The following AKR1C3 variants were observed in gnomAD, a reference collection of about 807,000 sequenced individuals.
AKR1C3 encodes aldo-keto reductase family 1 member C3.
AKR1C3 carries 48 observed loss-of-function variants against 43.6 expected under a neutral mutation model. The observed-to-expected ratio is 1.10, with a 90% CI of 0.87 to 1.40. The LOEUF is 1.40. AKR1C3 is among the 40% of genes most tolerant of loss of function. AKR1C3 has a pLI of 0.00. For missense variants in AKR1C3, 482 were observed against 391.2 expected (o/e 1.23, Z -1.96); for synonymous variants, 162 against 139.6 (o/e 1.16, Z -1.13).
In AKR1C3 at chr10:5,064,011, T is replaced by A. The variant is rs546426017; in HGVS notation, c.84+15116T>A. On this transcript the variant is annotated intron_variant, in intron 1 of 8. Transcript: ENST00000439082. ...TTCAGGAATGTTTACAGCATCTTCA[T>A]CAGAAGTGGAATCTATTTCACCAAA... 3.9e-5 allele frequency among the ~76,000 whole-genome samples: 6 copies of A among 152,250 alleles called. No individual in the cohort carries two copies. The East Asian group carries it at 1.2e-3, about 29-fold the overall frequency.
chr10:5,098,916 CAAAAAG>C, intron 4 of AKR1C3, 37 bp downstream of exon 4: 1 of 1,514,588 alleles, frequency 6.6e-7, no homozygotes, highest in Non-Finnish European at 9.0e-7. Flanking sequence ...AGAAGGATGA[CAAAAAG>C]AGAAAATCTG....
Position 5,102,684 on chromosome 10 carries a change from GCA to G in AKR1C3, c.846+37_846+38del, listed in dbSNP as rs781838119. 70 of 1,448,868 alleles carry G rather than the reference GCA, an allele frequency of 4.8e-5. No homozygotes were observed. In the East Asian group the frequency reaches 8.0e-4, roughly 17 times the overall value. The allele number at this position is 1,448,868 out of a possible 1,614,324, so 89.8% of individuals were successfully genotyped here. ...CGGGGCTGTGGGCCTCAGGTCTCCT[GCA>G]CAGTGTCCTTCACACGTGTGCTTCT... On this transcript the variant is annotated intron_variant, in intron 7 of 8. Coordinates refer to ENST00000380554, the MANE Select transcript of AKR1C3 (RefSeq NM_003739.6).
intron 1 of AKR1C3, among the ~76,000 whole-genome samples, chr10:5,087,222 T>G (rs1838987098): frequency 6.6e-6 from 1 of 152,142 alleles, no homozygotes; most frequent in Non-Finnish European, 1.5e-5. Flanking sequence ...TTCCTTTCCA[T>G]GTTTAGTGCT....
At chr10:5,086,149 C>G (rs1412747237) in intron 1 of AKR1C3, among the ~76,000 whole-genome samples, 1 of 151,638 alleles carries the variant, frequency 6.6e-6, no homozygotes, top group African/African-American at 2.4e-5. Context: ...GCTTTTCTAG[C>G]TCTTTTAATT....
Position 5,063,764 on chromosome 10 carries a change from GCAAAA to G in AKR1C3, c.84+14870_84+14874del, listed in dbSNP as rs1168044836. On this transcript the variant is annotated intron_variant, in intron 1 of 8. Transcript: ENST00000439082. ...GAGGACAGAGGTAGTCTCTGTCTCA[GCAAAA>G]AAAAAAAAAAAAAAAAAAAAGGAAA... Among the ~76,000 whole-genome samples the G allele has an allele frequency of 1.2e-3, 41 of 33,436 alleles. 2 individuals carry two copies. The highest frequency in any genetic ancestry group is 0.011 in the East Asian group (16 of 1,410). The allele number at this position is 33,436 out of a possible 152,430, so 21.9% of individuals were successfully genotyped here. A position where few individuals can be genotyped will look rare whatever the true frequency, so the allele number is the denominator to read the frequency against.
At chr10:5,085,913 G>A (rs1292107592) in intron 1 of AKR1C3, among the ~76,000 whole-genome samples, 1 of 151,822 alleles carries the variant, frequency 6.6e-6, no homozygotes, top group Admixed American at 6.5e-5. Flanking sequence ...TGAGGGATCG[G>A]TGGTGATATC....
chr10:5,063,764 G>GAAAAAAAAAAAAAAAAAAAA (rs1406943359), intron 1 of AKR1C3, among the ~76,000 whole-genome samples: 3 of 33,448 alleles, frequency 9.0e-5, no homozygotes, highest in Non-Finnish European at 1.6e-4. Flanking sequence ...CTCTGTCTCA[G>GAAAAAAAAAAAAAAAAAAAA]CAAAAAAAAA....
chr10:5,079,806 T>A (rs1838794436), intron 1 of AKR1C3, among the ~76,000 whole-genome samples: 1 of 152,156 alleles, frequency 6.6e-6, no homozygotes, highest in Non-Finnish European at 1.5e-5. Flanking sequence ...TGGAGTCTCA[T>A]ATTTGCTGCT....
At chr10:5,081,318 T>C (rs1167692306) in intron 1 of AKR1C3, among the ~76,000 whole-genome samples, 1 of 152,194 alleles carries the variant, frequency 6.6e-6, no homozygotes, top group East Asian at 1.9e-4. Flanking sequence ...TTCAGTTTTA[T>C]TGATTTTATA....
At chr10:5,091,771 C>A (rs1554784225), upstream of AKR1C3, among the ~76,000 whole-genome samples, 1 of 152,092 alleles carries the variant, frequency 6.6e-6, no homozygotes, top group Non-Finnish European at 1.5e-5. Flanking sequence ...TACATGTTAA[C>A]ATAGATTTAT....
intron 1 of AKR1C3, among the ~76,000 whole-genome samples, chr10:5,075,984 C>T (rs556943695): frequency 6.6e-6 from 1 of 152,238 alleles, no homozygotes; most frequent in South Asian, 2.1e-4. Flanking sequence ...ATATCCTGAG[C>T]TGCACTGGTT....
chr10:5,102,264 TAGTC>T, intron 6 of AKR1C3, 54 bp downstream of exon 6: 21 of 1,583,362 alleles, frequency 1.3e-5, no homozygotes, highest in Non-Finnish European at 1.8e-5. Context: ...GAAAATTTTT[TAGTC>T]AGAGCATCCT....
intron 1 of AKR1C3, among the ~76,000 whole-genome samples, chr10:5,060,569 G>A (rs546233682): frequency 1.3e-5 from 2 of 152,310 alleles, no homozygotes; most frequent in Middle Eastern, 3.4e-3. Flanking sequence ...CAATCCCTTA[G>A]CTAGACATAA....
intron 1 of AKR1C3, among the ~76,000 whole-genome samples, chr10:5,055,991 C>A (rs1330034285): frequency 6.6e-6 from 1 of 152,192 alleles, no homozygotes; most frequent in East Asian, 1.9e-4. Flanking sequence ...AAGATTAGGC[C>A]TAGATATTTG....
chr10:5,063,765 CAAAAAA>C (rs71391987), intron 1 of AKR1C3, among the ~76,000 whole-genome samples: 11 of 46,434 alleles, frequency 2.4e-4, no homozygotes, highest in East Asian at 1.2e-3. Context: ...TCTGTCTCAG[CAAAAAA>C]AAAAAAAAAA....
chr10:5,071,991 C>A (rs34477787), intron 1 of AKR1C3, among the ~76,000 whole-genome samples: 23,307 of 152,232 alleles, frequency 0.15, 2,207 homozygotes, highest in Admixed American at 0.25. Flanking sequence ...ACTGATAAAA[C>A]CTGTCCTCAC....
chr10:5,091,498 T>A (rs1300495851), upstream of AKR1C3, among the ~76,000 whole-genome samples: 1 of 152,152 alleles, frequency 6.6e-6, no homozygotes, highest in Non-Finnish European at 1.5e-5. Context: ...TTTTTGTCCT[T>A]CATATCCTCA....
intron 1 of AKR1C3, among the ~76,000 whole-genome samples, chr10:5,085,090 C>A (rs1315568630): frequency 6.6e-6 from 1 of 151,966 alleles, no homozygotes; most frequent in Non-Finnish European, 1.5e-5. Context: ...GCCTGATTGC[C>A]CTGGCCAGAA....
chr10:5,105,200 T>C (rs1471787963), intron 7 of AKR1C3: 1 of 157,430 alleles, frequency 6.4e-6, no homozygotes, highest in East Asian at 1.8e-4. Context: ...GATATAGAAA[T>C]TCAACAATAT....
Sources: allele counts gnomAD v4.1 joint callset (sites outside exome capture counted in the v4.1 genomes callset), GRCh38; gene constraint gnomAD v4.1.1; transcripts MANE v1.5; gene names NCBI Gene and HGNC (gene_info 2026-07-23, HGNC 2026-07-21).